Variants in PCDH11X observed in about 807,000 individuals in gnomAD.
The protein encoded by PCDH11X is protocadherin-11 X-linked.
PCDH11X carries 18 observed loss-of-function variants against 53.3 expected under a neutral mutation model. The observed-to-expected ratio is 0.34, with a 90% CI of 0.23 to 0.50. The LOEUF is 0.50. Ranked by LOEUF, PCDH11X falls within the 20% of genes least tolerant of loss-of-function variation. The pLI is 0.98. For missense variants in PCDH11X, 570 were observed against 1,032.4 expected (o/e 0.55, Z 6.14); for synonymous variants, 279 against 393.3 (o/e 0.71, Z 3.44).
chrX:92,115,708 A>T (rs1353045473), intron 6 of PCDH11X, among the ~76,000 whole-genome samples: 3 of 111,139 alleles, frequency 2.7e-5, no homozygotes, highest in Non-Finnish European at 3.8e-5. Context: ...AAGAACCTGG[A>T]GTCTGATGTT....
At chrX:91,819,540 G>C (rs1247366175) in intron 4 of PCDH11X, among the ~76,000 whole-genome samples, 2 of 109,303 alleles carry the variant, frequency 1.8e-5, no homozygotes, top group African/African-American at 6.7e-5. Context: ...ATTATTTCTT[G>C]AAGTCTTTGC....
At chrX:92,274,001 A>G (rs2068019721) in intron 8 of PCDH11X, among the ~76,000 whole-genome samples, 1 of 108,575 alleles carries the variant, frequency 9.2e-6, no homozygotes, top group Non-Finnish European at 1.9e-5. Context: ...GGCAGTGTCA[A>G]CAAGAGCAGG....
chrX:92,199,374 G>C (rs950838577), intron 6 of PCDH11X, among the ~76,000 whole-genome samples: 3 of 111,874 alleles, frequency 2.7e-5, no homozygotes, highest in African/African-American at 9.7e-5. Flanking sequence ...TTCTTATAAA[G>C]CATTTTACTC....
chrX:91,795,425 A>G (rs1935700597), intron 1 of PCDH11X, among the ~76,000 whole-genome samples: 1 of 110,477 alleles, frequency 9.1e-6, no homozygotes, highest in Non-Finnish European at 1.9e-5. Context: ...ATTTTTTTAA[A>G]TCACATGTAT....
At chrX:92,367,090 G>A (rs1325237219) in intron 8 of PCDH11X, among the ~76,000 whole-genome samples, 12 of 108,130 alleles carry the variant, frequency 1.1e-4, no homozygotes, top group Non-Finnish European at 2.3e-4. Context: ...ATTGACAGTG[G>A]GGTGTTAAAG....
At chrX:91,974,904 C>T (rs1259110789) in intron 6 of PCDH11X, among the ~76,000 whole-genome samples, 1 of 110,340 alleles carries the variant, frequency 9.1e-6, no homozygotes, top group Non-Finnish European at 1.9e-5. Flanking sequence ...AGGCTCGTGC[C>T]ACCATGCCCG....
At chrX:91,913,297 C>T (rs895505614) in intron 6 of PCDH11X, among the ~76,000 whole-genome samples, 10 of 111,530 alleles carry the variant, frequency 9.0e-5, no homozygotes, top group Non-Finnish European at 1.9e-5. Context: ...CAGGGAAAGG[C>T]AAGGTCCTAA....
At chrX:91,940,691 T>C (rs759008400) in intron 6 of PCDH11X, among the ~76,000 whole-genome samples, 3 of 66,105 alleles carry the variant, frequency 4.5e-5, no homozygotes, top group African/African-American at 6.9e-5. Context: ...ACATGGCTAA[T>C]AGAATTTTTT....
rs1178198433 is a variant in PCDH11X at position 92,403,329 on chromosome X, G to GTT, written c.3343+15404_3343+15405dup. On this transcript the variant is annotated intron_variant, in intron 9 of 10. Coordinates refer to ENST00000682573, the MANE Select transcript of PCDH11X (RefSeq NM_032968.5). ...CTGGGATATGTGTCCGGGCATTTAC[G>GTT]TTTTTTTTTGTTTTTTTTTTTTTTT... 4.9e-3 allele frequency among the ~76,000 whole-genome samples: 288 copies of GTT among 58,737 alleles called. 28 individuals carry two copies. Among genetic ancestry groups the GTT allele is most frequent in the African/African-American group, 0.021 (272 of 12,742 alleles). 51.0% of individuals were successfully genotyped at this position (58,737 alleles called of 115,157 possible). A position where few individuals can be genotyped will look rare whatever the true frequency, so the allele number is the denominator to read the frequency against.
chrX:92,518,026 A>G (rs2074299113), intron 10 of PCDH11X, among the ~76,000 whole-genome samples: 1 of 107,658 alleles, frequency 9.3e-6, no homozygotes, highest in African/African-American at 3.3e-5. Context: ...TTGCTCTAAG[A>G]TGATAGATTA....
chrX:92,204,292 C>T (rs769400120), intron 7 of PCDH11X, among the ~76,000 whole-genome samples: 2 of 111,970 alleles, frequency 1.8e-5, no homozygotes, highest in Non-Finnish European at 3.8e-5. Context: ...TCTATCATAT[C>T]GTCAGGCTTA....
At chrX:92,570,339 A>C (rs780624006) in intron 10 of PCDH11X, among the ~76,000 whole-genome samples, 1 of 112,068 alleles carries the variant, frequency 8.9e-6, no homozygotes, top group African/African-American at 3.2e-5. Context: ...TATTTTATGA[A>C]ATACTATTAT....
intron 9 of PCDH11X, among the ~76,000 whole-genome samples, chrX:92,458,411 AAAC>A (rs2148653916): frequency 9.4e-6 from 1 of 106,336 alleles, no homozygotes; most frequent in South Asian, 4.3e-4. Context: ...ATTTAAAAAT[AAAC>A]AACAAAATAC....
intron 7 of PCDH11X, among the ~76,000 whole-genome samples, chrX:92,246,016 T>A (rs756400434): frequency 4.5e-5 from 5 of 111,582 alleles, no homozygotes; most frequent in Non-Finnish European, 9.4e-5. Flanking sequence ...TGGGGGGGAA[T>A]TAACTTAGAG....
At chrX:91,787,488 GT>G (rs906985703) in intron 1 of PCDH11X, among the ~76,000 whole-genome samples, 2 of 110,379 alleles carry the variant, frequency 1.8e-5, no homozygotes, top group African/African-American at 6.6e-5. Flanking sequence ...TATGATTTAT[GT>G]TTTATTAGTG....
chrX:92,395,954 T>TA (rs761571829), intron 9 of PCDH11X, among the ~76,000 whole-genome samples: 6 of 109,148 alleles, frequency 5.5e-5, no homozygotes, highest in East Asian at 2.9e-4. Flanking sequence ...TTTTTTTTTT[T>TA]AAAAAAGGTT....
intron 7 of PCDH11X, among the ~76,000 whole-genome samples, chrX:92,214,461 T>G (rs1485938071): frequency 1.8e-5 from 2 of 111,872 alleles, no homozygotes; most frequent in East Asian, 5.6e-4. Flanking sequence ...AAGTGATAAA[T>G]TATTTGAATT....
intron 6 of PCDH11X, among the ~76,000 whole-genome samples, chrX:92,176,090 C>T (rs1287174906): frequency 9.0e-6 from 1 of 110,727 alleles, no homozygotes; most frequent in Admixed American, 9.7e-5. Flanking sequence ...TCATTAGGAG[C>T]TTAGCAGAAT....
chrX:92,098,737 T>A (rs1415171763), intron 6 of PCDH11X, among the ~76,000 whole-genome samples: 1 of 99,858 alleles, frequency 1.0e-5, no homozygotes, highest in Non-Finnish European at 2.0e-5. Flanking sequence ...GACCTCTGCC[T>A]CCTAGGTTCA....
Sources: allele counts gnomAD v4.1 joint callset (sites outside exome capture counted in the v4.1 genomes callset), GRCh38; gene constraint gnomAD v4.1.1; transcripts MANE v1.5; gene names NCBI Gene and HGNC (gene_info 2026-07-23, HGNC 2026-07-21).